The following PITRM1 variants were observed in gnomAD, a reference collection of about 807,000 sequenced individuals.
PITRM1 encodes the protein presequence protease, mitochondrial.
In PITRM1, 100 loss-of-function variants were observed where a neutral mutation model predicts 129.9. The observed-to-expected ratio is 0.77, with a 90% CI of 0.65 to 0.91. The LOEUF (loss-of-function observed/expected upper bound fraction) is 0.91. PITRM1 is among the 40% of genes least tolerant of loss of function. PITRM1 has a pLI of 0.00. For missense variants in PITRM1, 1,471 were observed against 1,318.3 expected (o/e 1.12, Z -1.79); for synonymous variants, 591 against 508.8 (o/e 1.16, Z -2.17).
Position 3,165,340 on chromosome 10 carries a change from G to A in PITRM1, c.534-6C>T, listed in dbSNP as rs1413402888. 14 of 1,594,458 alleles carry A rather than the reference G, an allele frequency of 8.8e-6. No homozygotes were observed. The highest frequency in any genetic ancestry group is 2.3e-5 in the East Asian group (1 of 44,262). On this transcript the variant is annotated splice_region_variant and splice_polypyrimidine_tract_variant and intron_variant, in intron 5 of 26. Coordinates refer to ENST00000224949, the MANE Select transcript of PITRM1 (RefSeq NM_014889.4). ...CCAGCCGCCATCCTTCCTGCCTGAGGACAAATCATTATAAGCTGATAGTGA... is the reference window on the plus strand; with the variant it reads ...CCAGCCGCCATCCTTCCTGCCTGAGAACAAATCATTATAAGCTGATAGTGA...
chr10:3,157,003 T>G lies in PITRM1; in HGVS notation c.1409A>C (p.Gln470Pro). 1 of 1,610,832 alleles carries G rather than the reference T, an allele frequency of 6.2e-7. No individual in the cohort carries two copies. The highest frequency in any genetic ancestry group is 8.5e-7 in the Non-Finnish European group (1 of 1,179,034). The change falls in exon 13 of 27, where the codon CAG becomes CCG. Residue 470 changes from glutamine (Q) to proline (P), a missense_variant. Transcript: ENST00000224949. ...DPVELLKLGN[Q>P]LAKFRQCLQE... ...CAGGCACTGTCTGAATTTAGCTAAC[T>G]GATTTCCCAACTTCAAGAGCTCCAC...
chr10:3,169,321 C>T lies in PITRM1; in HGVS notation c.159+783G>A, dbSNP rs543391120. Among the ~76,000 whole-genome samples the T allele has an allele frequency of 7.2e-5, 11 of 152,212 alleles. No homozygotes were observed. The East Asian group carries it at 1.7e-3, about 24-fold the overall frequency. ...CTGGCTCCCTTGCTGGAGCCCTGACCGAAGGCAGCCACGTTCTCACACCAC... is the reference window on the plus strand; with the variant it reads ...CTGGCTCCCTTGCTGGAGCCCTGACTGAAGGCAGCCACGTTCTCACACCAC... On this transcript the variant is annotated intron_variant, in intron 2 of 26. Coordinates refer to ENST00000224949, the MANE Select transcript of PITRM1 (RefSeq NM_014889.4).
intron 11 of PITRM1, among the ~76,000 whole-genome samples, chr10:3,157,828 G>C (rs1178318665): frequency 6.6e-6 from 1 of 152,222 alleles, no homozygotes; most frequent in African/African-American, 2.4e-5. Context: ...GACAAAGCGA[G>C]ACCCTGTCTC....
chr10:3,157,140 C>T (rs1842043928), intron 12 of PITRM1, 76 bp from the exon 13 acceptor site: 2 of 1,319,124 alleles, frequency 1.5e-6, no homozygotes, highest in Admixed American at 5.3e-5. Flanking sequence ...AGACTTGATA[C>T]TAAAATCCTA....
intron 1 of PITRM1, 141 bp from the exon 2 acceptor site, chr10:3,170,347 A>G: frequency 1.7e-6 from 1 of 595,286 alleles, no homozygotes; most frequent in Non-Finnish European, 2.9e-6. Flanking sequence ...AGTCTTGCAC[A>G]TTCCAGAAAA....
In PITRM1 at chr10:3,166,391, A is replaced by AGAGGAATGGCACGATAGGGAAGGC; in HGVS notation, c.267-12_267-11insGCCTTCCCTATCGTGCCATTCCTC. The AGAGGAATGGCACGATAGGGAAGGC allele has an allele frequency of 2.2e-6, 3 of 1,394,880 alleles. No individual in the cohort carries two copies. The highest frequency in any genetic ancestry group is 1.9e-5 in the Admixed American group (1 of 53,894). The allele number at this position is 1,394,880 out of a possible 1,614,324, so 86.4% of individuals were successfully genotyped here. ...GTACGGAACTGCACGCTAGGGAAGGAGAATGACCAGAACGCAAAAGGTTCA... is the reference window on the plus strand; with the variant it reads ...GTACGGAACTGCACGCTAGGGAAGGAGAGGAATGGCACGATAGGGAAGGCGAATGACCAGAACGCAAAAGGTTCA... On this transcript the variant is annotated splice_polypyrimidine_tract_variant and intron_variant, in intron 3 of 26. Coordinates refer to ENST00000224949, the MANE Select transcript of PITRM1 (RefSeq NM_014889.4).
chr10:3,156,214 G>A (rs972756882), intron 13 of PITRM1, among the ~76,000 whole-genome samples: 5 of 152,258 alleles, frequency 3.3e-5, no homozygotes, highest in East Asian at 1.9e-4. Context: ...ACATGTTGAC[G>A]TTAATATAAA....
At chr10:3,161,296 A>G (rs1254105385) in intron 7 of PITRM1, among the ~76,000 whole-genome samples, 1 of 152,256 alleles carries the variant, frequency 6.6e-6, no homozygotes, top group Non-Finnish European at 1.5e-5. Flanking sequence ...ATAGTAATCC[A>G]ACTGACAATT....
chr10:3,138,799 G>T, intron 25 of PITRM1, 105 bp downstream of exon 25: 1 of 1,018,632 alleles, frequency 9.8e-7, no homozygotes, highest in Non-Finnish European at 1.6e-6. Flanking sequence ...AAGGATGGAG[G>T]CACCAGAAGC....
intron 9 of PITRM1, among the ~76,000 whole-genome samples, chr10:3,159,380 C>CT (rs929148001): frequency 1.6e-4 from 25 of 152,360 alleles, no homozygotes; most frequent in African/African-American, 6.0e-4. Context: ...GAGCTGCAGG[C>CT]TGAGCACGGG....
chr10:3,149,423 A>C lies in PITRM1; in HGVS notation c.1871+198T>G, dbSNP rs566160601. 1.7e-4 allele frequency: 80 copies of C among 475,566 alleles called. No homozygotes were observed. The South Asian group carries it at 2.8e-3, about 16-fold the overall frequency. 29.5% of individuals were successfully genotyped at this position (475,566 alleles called of 1,614,324 possible). A position where few individuals can be genotyped will look rare whatever the true frequency, so the allele number is the denominator to read the frequency against. On this transcript the variant is annotated intron_variant, in intron 16 of 26. Coordinates refer to ENST00000224949, the MANE Select transcript of PITRM1 (RefSeq NM_014889.4). ...TCTCCTTATATTATACCGTAGATTC[A>C]TAACTATTTCAATGTAATATAGTAA... is the stretch of plus-strand genomic sequence containing the variant.
Position 3,166,977 on chromosome 10 carries a change from C to T in PITRM1, c.225G>A (p.Arg75=), listed in dbSNP as rs2132509014. 6.2e-7 allele frequency: 1 copy of T among 1,611,558 alleles called. No homozygotes were observed. The highest frequency in any genetic ancestry group is 1.1e-5 in the South Asian group (1 of 90,400). ...VKLTHDDTGA[R]YLHLAREDTN... is the part of the protein sequence containing the mutation. The stretch of plus-strand genomic sequence containing the variant: ...TGTCTTCTCTGGCCAGGTGTAAATA[C>T]CTGGCTCCTGTGTCATCATGGGTGA... The change falls in exon 3 of 27, where the codon AGG becomes AGA. Residue 75 remains arginine, a synonymous_variant. Coordinates refer to ENST00000224949, the MANE Select transcript of PITRM1 (RefSeq NM_014889.4).
chr10:3,154,862 T>C (rs367724307), intron 14 of PITRM1, among the ~76,000 whole-genome samples: 14 of 152,090 alleles, frequency 9.2e-5, no homozygotes, highest in African/African-American at 3.4e-4. Context: ...CGGCTGCCAA[T>C]CCCCGTCTCA....
At chr10:3,156,139 A>C (rs1160623623) in intron 13 of PITRM1, among the ~76,000 whole-genome samples, 2 of 152,240 alleles carry the variant, frequency 1.3e-5, no homozygotes, top group South Asian at 2.1e-4. Context: ...TCATTCTACT[A>C]TTAAGCTCTA....
rs1306567994 is a variant in PITRM1 at position 3,143,434 on chromosome 10, C to G, written c.2600G>C (p.Gly867Ala). 1.9e-6 allele frequency: 3 copies of G among 1,613,804 alleles called. No homozygotes were observed. The highest frequency in any genetic ancestry group is 2.2e-5 in the South Asian group (2 of 91,082). Residue 867 changes from glycine to alanine, a missense_variant, in exon 23 of 27, where the codon GGT becomes GCT. By Grantham distance (60) the Gly-to-Ala change is moderately conservative. Transcript: ENST00000224949. ...GTAGGGGACAGTTCGGATGCATTCA[C>G]CCACGTAATTCACCGGGAAGGGCAT... ...FLMPFPVNYV[G>A]ECIRTVPYTD...
Position 3,170,165 on chromosome 10 carries a change from G to C in PITRM1, c.98C>G (p.Ala33Gly). The C allele has an allele frequency of 6.2e-7, 1 of 1,613,970 alleles. No homozygotes were observed. The change falls in exon 2 of 27, where the codon GCT becomes GGT. Residue 33 changes from alanine to glycine, a missense_variant. Coordinates refer to ENST00000224949, the MANE Select transcript of PITRM1 (RefSeq NM_014889.4). ...HRAWRWNSNR[A>G]CERALQYKLG... is the part of the protein sequence containing the mutation. ...TTTATACTGCAGAGCCCTCTCACAA[G>C]CCCGGTTACTGTTCCATCGCCACGC... is the stretch of plus-strand genomic sequence containing the variant.
chr10:3,153,591 C>G, intron 14 of PITRM1, among the ~76,000 whole-genome samples: 1 of 151,786 alleles, frequency 6.6e-6, no homozygotes, highest in East Asian at 1.9e-4. Flanking sequence ...TGCACTCCAG[C>G]CTGGGTGACA....
intron 18 of PITRM1, 84 bp from the exon 19 acceptor site, chr10:3,147,821 G>C (rs10508248): frequency 0.17 from 235,053 of 1,359,478 alleles, 21,334 homozygotes; most frequent in African/African-American, 0.23. Context: ...TAAGTTTTCA[G>C]AGTACTTTAA....
At chr10:3,148,844 T>C (rs1841205257) in intron 16 of PITRM1, 1 of 152,628 alleles carries the variant, frequency 6.6e-6, no homozygotes, top group Non-Finnish European at 1.5e-5. Context: ...AGGTGTTTTC[T>C]AAACCGCTAC....
Sources: gnomAD v4.1 joint callset for allele counts (sites outside exome capture counted in the v4.1 genomes callset) on GRCh38, gnomAD v4.1.1 for gene constraint, MANE v1.5 for transcripts, NCBI Gene and HGNC (gene_info 2026-07-23, HGNC 2026-07-21) for gene names.